Variants in CFAP77 observed in about 807,000 individuals in gnomAD.
The protein encoded by CFAP77 is cilia- and flagella-associated protein 77.
Under a neutral mutation model 31.1 loss-of-function variants are expected in CFAP77, and 25 were observed. That is an observed-to-expected ratio of 0.80 (90% CI 0.59 to 1.12). The LOEUF (loss-of-function observed/expected upper bound fraction) is 1.12, where lower values mean the gene tolerates loss of function less well. CFAP77 is among the 50% of genes most tolerant of loss of function. The pLI, the probability that CFAP77 is intolerant of heterozygous loss-of-function variation, is 0.00. For synonymous variants in CFAP77, 151 were observed against 159.9 expected, an observed-to-expected ratio of 0.94 and a Z score of 0.42; for missense variants, 377 against 397.3, an observed-to-expected ratio of 0.95 and a Z score of 0.44.
Position 132,507,250 on chromosome 9 carries a change from C to T in CFAP77, c.524+7650C>T, listed in dbSNP as rs538988232. Among the ~76,000 whole-genome samples, 251 of 152,292 alleles carry T rather than the reference C, an allele frequency of 1.6e-3. 1 individual carries two copies. The highest frequency in any genetic ancestry group is 5.8e-3 in the African/African-American group (243 of 41,568). Reference sequence around the variant, plus strand: ...TGTGGTGCTGACCACAGTGCCTTTGCGGAGGAGGCCTTCGTGGAGTTGCTG... The same window carrying T: ...TGTGGTGCTGACCACAGTGCCTTTGTGGAGGAGGCCTTCGTGGAGTTGCTG... On this transcript the variant is annotated intron_variant, in intron 3 of 5. Transcript: ENST00000393216.
At chr9:132,569,822 G>A (rs540252973) in intron 5 of CFAP77, among the ~76,000 whole-genome samples, 19 of 137,608 alleles carry the variant, frequency 1.4e-4, no homozygotes, top group African/African-American at 8.3e-5. Flanking sequence ...TGCAACCTCC[G>A]CCTCCTGGGT....
At chr9:132,503,870 G>A (rs1416256338) in intron 3 of CFAP77, among the ~76,000 whole-genome samples, 4 of 152,174 alleles carry the variant, frequency 2.6e-5, no homozygotes, top group Non-Finnish European at 5.9e-5. Flanking sequence ...CCAATATGGT[G>A]AAACCTCGTC....
intron 1 of CFAP77, among the ~76,000 whole-genome samples, chr9:132,489,755 T>C (rs1851622639): frequency 6.6e-6 from 1 of 152,108 alleles, no homozygotes; most frequent in Non-Finnish European, 1.5e-5. Flanking sequence ...TTGCGACCTG[T>C]CTAGGATACC....
intron 1 of CFAP77, among the ~76,000 whole-genome samples, chr9:132,419,325 A>G (rs572770381): frequency 6.6e-6 from 1 of 152,322 alleles, no homozygotes; most frequent in East Asian, 1.9e-4. Flanking sequence ...TATGTGTGGC[A>G]TTAGTGAGAG....
At chr9:132,430,661 TCA>T (rs1001679071) in intron 1 of CFAP77, among the ~76,000 whole-genome samples, 3 of 152,202 alleles carry the variant, frequency 2.0e-5, no homozygotes, top group African/African-American at 7.2e-5. Context: ...ATCTGGGACC[TCA>T]GTCAATATGT....
intron 1 of CFAP77, among the ~76,000 whole-genome samples, chr9:132,457,064 G>A (rs1220270594): frequency 1.3e-5 from 2 of 152,118 alleles, no homozygotes; most frequent in Admixed American, 1.3e-4. Flanking sequence ...CCCATGACTG[G>A]CCCCTACTGG....
intron 1 of CFAP77, among the ~76,000 whole-genome samples, chr9:132,473,549 C>T (rs927494682): frequency 1.3e-5 from 2 of 152,274 alleles, no homozygotes; most frequent in Admixed American, 6.5e-5. Flanking sequence ...GGATACCTTC[C>T]TGTCTGTGGA....
chr9:132,561,651 A>C lies in CFAP77; in HGVS notation c.733-10737A>C, dbSNP rs1829810377. On this transcript the variant is annotated intron_variant, in intron 5 of 5. Coordinates refer to ENST00000393216, the MANE Select transcript of CFAP77 (RefSeq NM_001282957.2). ...CACACACACACACACACACACACAC[A>C]CACACACACACCCCCTCCATGTGTC... 7.8e-5 allele frequency among the ~76,000 whole-genome samples: 8 copies of C among 102,014 alleles called. No individual in the cohort carries two copies. In the South Asian group the frequency reaches 2.0e-3, roughly 25 times the overall value. 66.9% of individuals were successfully genotyped at this position (102,014 alleles called of 152,430 possible). A position where few individuals can be genotyped will look rare whatever the true frequency, so the allele number is the denominator to read the frequency against.
At chr9:132,440,349 A>G (rs1267873211) in intron 1 of CFAP77, among the ~76,000 whole-genome samples, 1 of 151,906 alleles carries the variant, frequency 6.6e-6, no homozygotes, top group Admixed American at 6.6e-5. Context: ...AATAATAATA[A>G]TAATAGTAAT....
chr9:132,411,847 G>A (rs938656890), intron 1 of CFAP77, among the ~76,000 whole-genome samples: 6 of 138,498 alleles, frequency 4.3e-5, no homozygotes, highest in African/African-American at 1.7e-4. Context: ...TGGTGCCCAC[G>A]CTGAGCAATA....
At chr9:132,503,496 C>T (rs1851888103) in intron 3 of CFAP77, among the ~76,000 whole-genome samples, 1 of 152,186 alleles carries the variant, frequency 6.6e-6, no homozygotes, top group African/African-American at 2.4e-5. Context: ...CTTCTGTTTC[C>T]CCATCTGTAG....
At chr9:132,540,547 G>C (rs1334940113) in intron 4 of CFAP77, among the ~76,000 whole-genome samples, 7 of 152,220 alleles carry the variant, frequency 4.6e-5, no homozygotes, top group Non-Finnish European at 8.8e-5. Flanking sequence ...ACAAAAGACA[G>C]ATTTGCAAGA....
In CFAP77 at chr9:132,410,453, C is replaced by T. The variant is rs76922475; in HGVS notation, c.182C>T (p.Pro61Leu). ...GTGCGGGACTCCATGTTTCAGAACC[C>T]TCTCATCGTCAAGGTGAGCACCCCA... ...GVVRDSMFQN[P>L]LIVKAELGKP... The change falls in exon 1 of 6, where the codon CCT (proline) becomes CTT (leucine). Residue 61 changes from proline (P) to leucine (L), a missense_variant. Physicochemically the swap from Pro to Leu is moderately conservative, Grantham distance 98. Transcript: ENST00000393216. 3.9e-3 allele frequency: 6,109 copies of T among 1,584,758 alleles called. 204 individuals are homozygous for T. The East Asian group carries it at 0.08, about 21-fold the overall frequency.
At position 132,570,660 on chromosome 9, in the gene CFAP77, C is replaced by A. The variant is rs574619426; in HGVS notation, c.733-1728C>A. Among the ~76,000 whole-genome samples the A allele has an allele frequency of 9.8e-5, 15 of 152,300 alleles. No homozygotes were observed. In the East Asian group the frequency reaches 1.9e-3, roughly 20 times the overall value. ...AGAGCATCCCCAAGGGGTCCACATCCGCTAGAAGGTGAAGAACATGGTTAT... is the reference window on the plus strand; with the variant it reads ...AGAGCATCCCCAAGGGGTCCACATCAGCTAGAAGGTGAAGAACATGGTTAT... On this transcript the variant is annotated intron_variant, in intron 5 of 5. Transcript: ENST00000393216.
At position 132,486,032 on chromosome 9, in the gene CFAP77, ATATATATATG is replaced by A. The variant is rs1223794790; in HGVS notation, c.196-12659_196-12650del. Reference sequence around the variant, plus strand: ...TATATATATATATATATATATATATATATATATATGTATGTATATGTATGTGTGTGTGTGT... The same window carrying A: ...TATATATATATATATATATATATATATATGTATATGTATGTGTGTGTGTGT... On this transcript the variant is annotated intron_variant, in intron 1 of 5. Transcript: ENST00000393216. Among the ~76,000 whole-genome samples, 45 of 25,480 alleles carry A rather than the reference ATATATATATG, an allele frequency of 1.8e-3. 2 individuals carry two copies. Among genetic ancestry groups the A allele is most frequent in the Middle Eastern group, 0.016 (1 of 62 alleles). The allele number at this position is 25,480 out of a possible 152,430, so 16.7% of individuals were successfully genotyped here. A position where few individuals can be genotyped will look rare whatever the true frequency, so the allele number is the denominator to read the frequency against.
chr9:132,423,694 C>T (rs184990989), intron 1 of CFAP77, among the ~76,000 whole-genome samples: 42 of 152,322 alleles, frequency 2.8e-4, no homozygotes, highest in Non-Finnish European at 6.0e-4. Context: ...AGTACCTGGC[C>T]AAGTGCCAGA....
chr9:132,470,854 C>A (rs1049476502), intron 1 of CFAP77, among the ~76,000 whole-genome samples: 1 of 152,110 alleles, frequency 6.6e-6, no homozygotes, highest in Non-Finnish European at 1.5e-5. Context: ...ACTAAAAGTA[C>A]AAAAATTAGC....
intron 1 of CFAP77, among the ~76,000 whole-genome samples, chr9:132,457,593 G>A (rs774351269): frequency 6.6e-6 from 1 of 152,202 alleles, no homozygotes; most frequent in Non-Finnish European, 1.5e-5. Context: ...TAACAGCCCC[G>A]GCAGGGAGAA....
intron 1 of CFAP77, among the ~76,000 whole-genome samples, chr9:132,430,808 T>TA (rs530107314): frequency 4.1e-4 from 59 of 142,902 alleles, no homozygotes; most frequent in Middle Eastern, 3.6e-3. Context: ...AGATAAAACG[T>TA]AAAAAAAAAA....
Sources: allele counts gnomAD v4.1 joint callset (sites outside exome capture counted in the v4.1 genomes callset), GRCh38; gene constraint gnomAD v4.1.1; transcripts MANE v1.5; gene names NCBI Gene and HGNC (gene_info 2026-07-23, HGNC 2026-07-21).